The following VDAC2 variants were observed in gnomAD, a reference collection of about 807,000 sequenced individuals.
VDAC2 encodes the protein non-selective voltage-gated ion channel VDAC2.
Under a neutral mutation model 36.6 loss-of-function variants are expected in VDAC2, and 6 were observed. The observed-to-expected ratio is 0.16, with a 90% CI of 0.09 to 0.32. The LOEUF (loss-of-function observed/expected upper bound fraction) is 0.32. Among genes scored for constraint, VDAC2 ranks in the 10% least tolerant of loss-of-function variants. VDAC2 has a pLI of 1.00. For missense variants in VDAC2, 247 were observed against 346.0 expected (o/e 0.71, Z 2.27); for synonymous variants, 109 against 123.8 (o/e 0.88, Z 0.79).
intron 2 of VDAC2, chr10:75,211,775 A>T: frequency 7.7e-7 from 1 of 1,295,462 alleles, no homozygotes; most frequent in Non-Finnish European, 1.1e-6. Context: ...TTCTCTTCCC[A>T]CTCCAGGGTG....
chr10:75,221,473 C>T (rs1215350673), intron 7 of VDAC2, among the ~76,000 whole-genome samples: 2 of 152,158 alleles, frequency 1.3e-5, no homozygotes, highest in African/African-American at 4.8e-5. Flanking sequence ...GCTGGGACTA[C>T]AGGCGTGTGC....
chr10:75,230,122 G>A (rs1418671887), intron 9 of VDAC2, among the ~76,000 whole-genome samples: 5 of 151,956 alleles, frequency 3.3e-5, no homozygotes, highest in African/African-American at 7.3e-5. Context: ...ATTTTGAAGC[G>A]TGCTGTGTCT....
intron 8 of VDAC2, among the ~76,000 whole-genome samples, chr10:75,226,171 GAT>G (rs763863493): frequency 1.3e-5 from 2 of 152,114 alleles, no homozygotes; most frequent in Non-Finnish European, 2.9e-5. Context: ...TACTCTTGTA[GAT>G]ATGTCTGTTA....
chr10:75,216,955 C>T (rs1841624934), intron 4 of VDAC2, among the ~76,000 whole-genome samples: 1 of 152,026 alleles, frequency 6.6e-6, no homozygotes. Context: ...CAGAAACAGA[C>T]CCAAAAAAGT....
At chr10:75,221,010 CAG>C (rs752186619) in intron 7 of VDAC2, 40 bp downstream of exon 7, 45 of 1,569,920 alleles carry the variant, frequency 2.9e-5, no homozygotes, top group Non-Finnish European at 3.5e-5. Context: ...TGTGGGCCCT[CAG>C]AGGATGATTT....
intron 8 of VDAC2, among the ~76,000 whole-genome samples, chr10:75,223,768 G>T (rs760573095): frequency 6.6e-6 from 1 of 152,170 alleles, no homozygotes; most frequent in Non-Finnish European, 1.5e-5. Context: ...GTGATTAGAG[G>T]GGGTGGGGAG....
rs1048953702 is a variant in VDAC2, at chr10:75,213,879, C to T, written c.101-142C>T. On this transcript the variant is annotated intron_variant, in intron 3 of 9. Coordinates refer to ENST00000332211, the MANE Select transcript of VDAC2 (RefSeq NM_001391963.1). ...ACAAAAGACGAATTTGTAACAATTT[C>T]ATTTAAATATTGTATATTAACACAT... 14 of 735,776 alleles carry T rather than the reference C, an allele frequency of 1.9e-5. No homozygotes were observed. In the Admixed American group the frequency reaches 3.4e-4, roughly 18 times the overall value. 45.6% of individuals were successfully genotyped at this position (735,776 alleles called of 1,614,324 possible).
intron 4 of VDAC2, among the ~76,000 whole-genome samples, chr10:75,216,472 A>G (rs1397684354): frequency 6.6e-6 from 1 of 152,252 alleles, no homozygotes; most frequent in Non-Finnish European, 1.5e-5. Context: ...CATTTAATAC[A>G]TGTAACTCAA....
rs190655179 is a variant in VDAC2, at chr10:75,222,494, C to A, written c.735+92C>A. 4.1e-5 allele frequency: 62 copies of A among 1,496,382 alleles called. No individual in the cohort carries two copies. In the African/African-American group the frequency reaches 7.5e-4, roughly 18 times the overall value. The allele number at this position is 1,496,382 out of a possible 1,614,324, so 92.7% of individuals were successfully genotyped here. A position where few individuals can be genotyped will look rare whatever the true frequency, so the allele number is the denominator to read the frequency against. On this transcript the variant is annotated intron_variant, in intron 8 of 9. Transcript: ENST00000332211. ...TTATGTTGAAAATTTGAACTGATTT[C>A]ACACAGTCCCCAGTTTACAGATAGA...
At chr10:75,222,089 G>T (rs1677941607) in intron 7 of VDAC2, among the ~76,000 whole-genome samples, 163 bp from the exon 8 acceptor site, 1 of 152,184 alleles carries the variant, frequency 6.6e-6, no homozygotes, top group Non-Finnish European at 1.5e-5. Context: ...TATGGGTATG[G>T]GTTGGGGAAA....
rs1219655549 is a variant in VDAC2, at chr10:75,231,030, T to G, written c.*41T>G. On this transcript the variant is annotated 3_prime_UTR_variant, in exon 10 of 10. Coordinates refer to ENST00000332211, the MANE Select transcript of VDAC2 (RefSeq NM_001391963.1). ...CCTTTGGGAATGGATATCAGAAGAT[T>G]TGGCCTTAATATATTTCCATTGTGA... The G allele has an allele frequency of 2.0e-6, 3 of 1,507,060 alleles. No individual in the cohort carries two copies. Among genetic ancestry groups the G allele is most frequent in the Non-Finnish European group, 2.7e-6 (3 of 1,093,406 alleles). 93.4% of individuals were successfully genotyped at this position (1,507,060 alleles called of 1,614,324 possible).
chr10:75,221,421 C>T (rs1841810528), intron 7 of VDAC2, among the ~76,000 whole-genome samples: 1 of 152,086 alleles, frequency 6.6e-6, no homozygotes, highest in African/African-American at 2.4e-5. Flanking sequence ...CAACATCCGC[C>T]TCCCGGGTTC....
rs1327660975 is a variant in VDAC2, at chr10:75,216,054, TC to T, written c.150+1985del. The stretch of plus-strand genomic sequence containing the variant: ...TTGGATTTCTGGGGATTTACATTGA[TC>T]ATATCTGTCGCTTGGTTTTTTTGGT... On this transcript the variant is annotated intron_variant, in intron 4 of 9. Transcript: ENST00000332211. Among the ~76,000 whole-genome samples, 6 of 152,258 alleles carry T rather than the reference TC, an allele frequency of 3.9e-5. No homozygotes were observed. In the East Asian group the frequency reaches 5.8e-4, roughly 15 times the overall value.
chr10:75,226,148 A>G (rs1218582944), intron 8 of VDAC2, among the ~76,000 whole-genome samples: 1 of 152,140 alleles, frequency 6.6e-6, no homozygotes, highest in African/African-American at 2.4e-5. Flanking sequence ...GATGATAGGC[A>G]TATTTGTGTT....
intron 8 of VDAC2, among the ~76,000 whole-genome samples, chr10:75,226,750 C>G (rs945831415): frequency 2.0e-5 from 3 of 152,166 alleles, no homozygotes; most frequent in African/African-American, 7.2e-5. Flanking sequence ...GAACGAGCCA[C>G]TGCGCCCTGG....
At position 75,231,041 on chromosome 10, in the gene VDAC2, A is replaced by G. The variant is rs1842085969; in HGVS notation, c.*52A>G. 3.5e-6 allele frequency: 5 copies of G among 1,409,630 alleles called. No homozygotes were observed. The highest frequency in any genetic ancestry group is 1.2e-5 in the South Asian group (1 of 82,378). The allele number at this position is 1,409,630 out of a possible 1,614,324, so 87.3% of individuals were successfully genotyped here. ...GGATATCAGAAGATTTGGCCTTAAT[A>G]TATTTCCATTGTGACCAGCAGCAGG... On this transcript the variant is annotated 3_prime_UTR_variant, in exon 10 of 10. Transcript: ENST00000332211.
In VDAC2 at chr10:75,230,493, T is replaced by C. The variant is rs556535157; in HGVS notation, c.794-405T>C. ...ATAAGCACAATACCATTGTCGCATCTAAGAAAACTAACATTAATGTAATAC... is the reference window on the plus strand; with the variant it reads ...ATAAGCACAATACCATTGTCGCATCCAAGAAAACTAACATTAATGTAATAC... On this transcript the variant is annotated intron_variant, in intron 9 of 9. Transcript: ENST00000332211. Among the ~76,000 whole-genome samples, 49 of 152,334 alleles carry C rather than the reference T, an allele frequency of 3.2e-4. 1 individual carries two copies. Among genetic ancestry groups the C allele is most frequent in the African/African-American group, 6.0e-4 (25 of 41,570 alleles).
chr10:75,210,966 C>T, intron 1 of VDAC2, 28 bp downstream of exon 1: 3 of 519,176 alleles, frequency 5.8e-6, no homozygotes, highest in Non-Finnish European at 9.6e-6. Flanking sequence ...TCACGCCGAC[C>T]CAGGGGCCTA....
chr10:75,220,356 G>A (rs192127127), intron 6 of VDAC2, among the ~76,000 whole-genome samples: 170 of 151,878 alleles, frequency 1.1e-3, no homozygotes, highest in African/African-American at 3.9e-3. Flanking sequence ...TGATCCGCCC[G>A]CCTCAGCCTC....
Sources: allele counts gnomAD v4.1 joint callset (sites outside exome capture counted in the v4.1 genomes callset), GRCh38; gene constraint gnomAD v4.1.1; transcripts MANE v1.5; gene names NCBI Gene and HGNC (gene_info 2026-07-23, HGNC 2026-07-21).